BCAP29: variants seen among roughly 807,000 people sequenced by gnomAD.
The protein encoded by BCAP29 is B cell receptor associated protein 29.
A neutral mutation model predicts 31.8 loss-of-function variants in BCAP29; 34 were observed. The ratio of observed to expected loss-of-function variants is 1.07; its 90% confidence interval spans 0.81 to 1.42. The LOEUF (loss-of-function observed/expected upper bound fraction) is 1.42, where lower values mean the gene tolerates loss of function less well. Among genes scored for constraint, BCAP29 ranks in the 40% most tolerant of loss-of-function variants. The pLI, the probability that BCAP29 is intolerant of heterozygous loss-of-function variation, is 0.00. For synonymous variants in BCAP29, 104 were observed against 91.3 expected (o/e 1.14, Z -0.79); for missense variants, 314 against 269.2 (o/e 1.17, Z -1.16).
At chr7:107,586,671 G>T (rs1332181341) in intron 3 of BCAP29, among the ~76,000 whole-genome samples, 1 of 149,222 alleles carries the variant, frequency 6.7e-6, no homozygotes, top group Non-Finnish European at 1.5e-5. Flanking sequence ...CTTTTTCTTG[G>T]TTATCTCTCT....
intron 6 of BCAP29, among the ~76,000 whole-genome samples, chr7:107,612,383 G>GTA (rs1813274489): frequency 1.9e-5 from 2 of 103,556 alleles, no homozygotes; most frequent in African/African-American, 7.7e-5. Flanking sequence ...TCTTCACAAT[G>GTA]TATTGTTTTA....
At chr7:107,611,458 A>G (rs1448228665) in intron 6 of BCAP29, among the ~76,000 whole-genome samples, 1 of 152,158 alleles carries the variant, frequency 6.6e-6, no homozygotes, top group Non-Finnish European at 1.5e-5. Context: ...TCAAAAAAAA[A>G]TAAACACCAT....
Position 107,593,996 on chromosome 7 carries a change from A to T in BCAP29, c.235A>T (p.Ile79Phe). The T allele has an allele frequency of 6.2e-7, 1 of 1,614,012 alleles. No homozygotes were observed. The highest frequency in any genetic ancestry group is 2.2e-5 in the East Asian group (1 of 44,874). ...EVRKYSSVHT[I>F]EKSSTSRPDA... The stretch of plus-strand genomic sequence containing the variant: ...AAGGAAATATTCCTCAGTTCATACC[A>T]TTGAGAAGAGCTCCACCAGCAGACC... The change falls in exon 4 of 8, where the codon ATT (isoleucine) becomes TTT (phenylalanine). Residue 79 changes from isoleucine to phenylalanine, a missense_variant. Physicochemically the swap from Ile to Phe is conservative, Grantham distance 21. Transcript: ENST00000005259.
chr7:107,599,105 TA>T (rs1307492821), intron 5 of BCAP29, among the ~76,000 whole-genome samples: 1 of 133,006 alleles, frequency 7.5e-6, no homozygotes, highest in East Asian at 2.0e-4. Flanking sequence ...TATAAATATA[TA>T]TTTATAAATA....
At chr7:107,594,629 G>C (rs1347049846) in intron 4 of BCAP29, among the ~76,000 whole-genome samples, 2 of 152,060 alleles carry the variant, frequency 1.3e-5, no homozygotes, top group Non-Finnish European at 2.9e-5. Flanking sequence ...AGCCTCCTGA[G>C]TAGCTGGGAG....
intron 6 of BCAP29, chr7:107,603,263 C>G (rs1811500136): frequency 6.6e-6 from 1 of 152,100 alleles, no homozygotes; most frequent in Non-Finnish European, 1.5e-5. Context: ...AGCTACTGCG[C>G]CCGGTCTCCT....
chr7:107,606,876 T>C (rs1207277362), intron 6 of BCAP29, among the ~76,000 whole-genome samples: 1 of 152,246 alleles, frequency 6.6e-6, no homozygotes, highest in African/African-American at 2.4e-5. Flanking sequence ...AGTATTTATC[T>C]GGAGCACCTT....
chr7:107,580,066 A>G (rs1341079828), upstream of BCAP29: 2 of 152,488 alleles, frequency 1.3e-5, no homozygotes, highest in Middle Eastern at 6.7e-3. Context: ...ACCTCCAAGC[A>G]TCAGGTCAAA....
In BCAP29 at chr7:107,589,946, C is replaced by T. The variant is rs543094439; in HGVS notation, c.194-4009C>T. Among the ~76,000 whole-genome samples, 6 of 152,098 alleles carry T rather than the reference C, an allele frequency of 3.9e-5. No homozygotes were observed. In the South Asian group the frequency reaches 1.2e-3, roughly 32 times the overall value. ...TACAGATGAGAGCTACTGTGCCCAGCCCCTACAGAGTATGAAAATAGAAAT... is the reference window on the plus strand; with the variant it reads ...TACAGATGAGAGCTACTGTGCCCAGTCCCTACAGAGTATGAAAATAGAAAT... On this transcript the variant is annotated intron_variant, in intron 3 of 7. Transcript: ENST00000005259.
intron 4 of BCAP29, chr7:107,594,347 A>G: frequency 2.2e-6 from 1 of 463,418 alleles, no homozygotes; most frequent in Non-Finnish European, 3.9e-6. Context: ...ACCACCATGT[A>G]GGGCTAATTT....
At chr7:107,596,779 A>G (rs907922677) in intron 5 of BCAP29, among the ~76,000 whole-genome samples, 3 of 152,158 alleles carry the variant, frequency 2.0e-5, no homozygotes, top group African/African-American at 7.2e-5. Context: ...TACTTAATAC[A>G]CTTAAATTAG....
chr7:107,604,495 G>C (rs1370111517), intron 6 of BCAP29, among the ~76,000 whole-genome samples: 1 of 152,032 alleles, frequency 6.6e-6, no homozygotes, highest in South Asian at 2.1e-4. Flanking sequence ...TCTTACAAAT[G>C]AACCATATAT....
chr7:107,603,171 C>T (rs1043879869), intron 6 of BCAP29, among the ~76,000 whole-genome samples: 5 of 151,790 alleles, frequency 3.3e-5, no homozygotes, highest in African/African-American at 1.2e-4. Flanking sequence ...GGGGTTTCCC[C>T]ATGTTAGCCA....
intron 6 of BCAP29, among the ~76,000 whole-genome samples, chr7:107,611,712 A>G (rs1432155360): frequency 6.6e-6 from 1 of 152,212 alleles, no homozygotes; most frequent in Non-Finnish European, 1.5e-5. Flanking sequence ...TACCTGACTC[A>G]TACCTTTAGC....
At chr7:107,609,007 G>C (rs1812661173) in intron 6 of BCAP29, among the ~76,000 whole-genome samples, 1 of 152,210 alleles carries the variant, frequency 6.6e-6, no homozygotes, top group Non-Finnish European at 1.5e-5. Flanking sequence ...AGTCTAGTAA[G>C]GGCATAGTTG....
intron 3 of BCAP29, among the ~76,000 whole-genome samples, chr7:107,586,443 AC>A (rs1413363607): frequency 6.6e-6 from 1 of 152,200 alleles, no homozygotes; most frequent in East Asian, 1.9e-4. Context: ...TTCCCAGAGA[AC>A]AAGGACATCA....
At chr7:107,607,082 G>C in intron 6 of BCAP29, among the ~76,000 whole-genome samples, 1 of 152,152 alleles carries the variant, frequency 6.6e-6, no homozygotes, top group Admixed American at 6.5e-5. Flanking sequence ...TGGGAGGCCG[G>C]GGCAGGTGGA....
At chr7:107,583,430 G>T (rs187562289) in intron 2 of BCAP29, among the ~76,000 whole-genome samples, 6 of 152,074 alleles carry the variant, frequency 3.9e-5, no homozygotes. Context: ...ACTTTTAGTT[G>T]GAGTATACGT....
At chr7:107,609,273 T>C (rs1489582535) in intron 6 of BCAP29, among the ~76,000 whole-genome samples, 1 of 152,234 alleles carries the variant, frequency 6.6e-6, no homozygotes, top group Admixed American at 6.5e-5. Context: ...GCAGTAGGCC[T>C]AGAAGCCATC....
Sources: gnomAD v4.1 joint callset for allele counts (sites outside exome capture counted in the v4.1 genomes callset) on GRCh38, gnomAD v4.1.1 for gene constraint, MANE v1.5 for transcripts, NCBI Gene and HGNC (gene_info 2026-07-23, HGNC 2026-07-21) for gene names.